The following DICER1 variants were observed in gnomAD, a reference collection of about 807,000 sequenced individuals.
DICER1 encodes the protein dicer 1, ribonuclease III.
DICER1 carries 43 observed loss-of-function variants against 194.1 expected under a neutral mutation model. The observed-to-expected ratio is 0.22, with a 90% CI of 0.17 to 0.29. The LOEUF (loss-of-function observed/expected upper bound fraction) is 0.29. Ranked by LOEUF, DICER1 falls within the 10% of genes least tolerant of loss-of-function variation. The pLI is 1.00. For synonymous variants in DICER1, 832 were observed against 820.5 expected, an observed-to-expected ratio of 1.01 and a Z score of -0.24; for missense variants, 1,608 against 2,317.0, an observed-to-expected ratio of 0.69 and a Z score of 6.28.
intron 1 of DICER1, among the ~76,000 whole-genome samples, chr14:95,139,443 A>G (rs1894685473): frequency 6.6e-6 from 1 of 152,218 alleles, no homozygotes; most frequent in East Asian, 1.9e-4. Flanking sequence ...GAGTGACATT[A>G]AAACCTCAAA....
At chr14:95,152,156 C>G (rs1308846614) in intron 1 of DICER1, among the ~76,000 whole-genome samples, 3 of 152,190 alleles carry the variant, frequency 2.0e-5, no homozygotes, top group Admixed American at 6.5e-5. Context: ...ACAAGCACAA[C>G]AGAGTTAGTC....
At chr14:95,134,088 GA>G (rs1256723432) in intron 1 of DICER1, among the ~76,000 whole-genome samples, 2 of 152,118 alleles carry the variant, frequency 1.3e-5, no homozygotes, top group East Asian at 3.8e-4. Flanking sequence ...CCTGCACCAC[GA>G]AAGATTTAGA....
At chr14:95,142,514 A>C (rs1894884460) in intron 1 of DICER1, among the ~76,000 whole-genome samples, 1 of 152,254 alleles carries the variant, frequency 6.6e-6, no homozygotes, top group Admixed American at 6.5e-5. Flanking sequence ...TAATCAAATT[A>C]CTAAGTTGAT....
rs1346144337 is a variant in DICER1 at position 95,088,308 on chromosome 14, AT to A, written c.*2189del. ...AGGCATTTTTCTCCCACTGGGAATC[AT>A]AACTGTGAAAACAATCTGATTTTGG... On this transcript the variant is annotated 3_prime_UTR_variant, in exon 27 of 27. Transcript: ENST00000343455. 1 of 232,052 alleles carries A rather than the reference AT, an allele frequency of 4.3e-6. No individual in the cohort carries two copies. Among genetic ancestry groups the A allele is most frequent in the East Asian group, 6.1e-5 (1 of 16,312 alleles). 14.4% of individuals were successfully genotyped at this position (232,052 alleles called of 1,614,324 possible).
At position 95,157,523 on chromosome 14, in the gene DICER1, T is replaced by C. The variant is rs1273635473; in HGVS notation, c.-339A>G. On this transcript the variant is annotated 5_prime_UTR_variant, in exon 1 of 27. Coordinates refer to ENST00000343455, the MANE Select transcript of DICER1 (RefSeq NM_177438.3). ...CAACGGCGCACAGCCGCTTGGAGAA[T>C]CCCACTGGCTCCCGCACCGCCCCTC... The C allele has an allele frequency of 6.6e-6, 1 of 152,358 alleles. No individual in the cohort carries two copies. Among genetic ancestry groups the C allele is most frequent in the Non-Finnish European group, 1.5e-5 (1 of 68,234 alleles). 9.4% of individuals were successfully genotyped at this position (152,358 alleles called of 1,614,324 possible).
Position 95,157,391 on chromosome 14 carries a change from C to T in DICER1, c.-207G>A, listed in dbSNP as rs905092027. On this transcript the variant is annotated 5_prime_UTR_variant, in exon 1 of 27. Coordinates refer to ENST00000343455, the MANE Select transcript of DICER1 (RefSeq NM_177438.3). ...CCCGCTGTCAGGTTACTCCATTCAC[C>T]TGGGCCTGCAGCAGCCTGCGCCGCG... 6.5e-6 allele frequency: 1 copy of T among 152,902 alleles called. No homozygotes were observed. The highest frequency in any genetic ancestry group is 1.5e-5 in the Non-Finnish European group (1 of 68,448). 9.5% of individuals were successfully genotyped at this position (152,902 alleles called of 1,614,324 possible). A position where few individuals can be genotyped will look rare whatever the true frequency, so the allele number is the denominator to read the frequency against.
chr14:95,107,657 G>C lies in DICER1; in HGVS notation c.2755C>G (p.Pro919Ala). Residue 919 changes from proline to alanine, a missense_variant, in exon 17 of 27, where the codon CCC (proline) becomes GCC (alanine). Pro to Ala is a conservative substitution (Grantham distance 27). Around this residue, in one of 10 missense-constraint regions of DICER1, gnomAD observed 150 missense variants for 216.0 expected, o/e 0.69. Coordinates refer to ENST00000343455, the MANE Select transcript of DICER1 (RefSeq NM_177438.3). Reference protein sequence around the residue: ...IPSTKYTKETPFVFKLEDYQD... With the variant: ...IPSTKYTKETAFVFKLEDYQD... ...TAATCTTCTAATTTAAAAACAAAGG[G>C]TGTTTCTTTTGTATACTTTGTACTG... 1 of 1,612,748 alleles carries C rather than the reference G, an allele frequency of 6.2e-7. No homozygotes were observed. The highest frequency in any genetic ancestry group is 8.5e-7 in the Non-Finnish European group (1 of 1,178,998).
intron 1 of DICER1, among the ~76,000 whole-genome samples, chr14:95,153,241 G>A (rs1895632548): frequency 6.6e-6 from 1 of 151,830 alleles, no homozygotes; most frequent in African/African-American, 2.4e-5. Flanking sequence ...GACTGGGTGA[G>A]AATTCCTATT....
At chr14:95,106,875 A>G (rs539927165) in intron 17 of DICER1, among the ~76,000 whole-genome samples, 122 of 152,352 alleles carry the variant, frequency 8.0e-4, no homozygotes, top group Admixed American at 2.5e-3. Context: ...ATCAAATTCT[A>G]TAAGACTCTG....
chr14:95,097,184 A>T (rs1478795002), intron 22 of DICER1, among the ~76,000 whole-genome samples: 2 of 152,238 alleles, frequency 1.3e-5, no homozygotes, highest in African/African-American at 4.8e-5. Flanking sequence ...GTAGAAAAGC[A>T]TTACCTTTGC....
intron 1 of DICER1, among the ~76,000 whole-genome samples, chr14:95,143,895 G>T (rs1164029260): frequency 6.6e-6 from 1 of 151,924 alleles, no homozygotes; most frequent in African/African-American, 2.4e-5. Flanking sequence ...CCATTTCTTA[G>T]AACTTAAATA....
At chr14:95,143,331 T>C (rs185300067) in intron 1 of DICER1, among the ~76,000 whole-genome samples, 3 of 152,306 alleles carry the variant, frequency 2.0e-5, no homozygotes, top group African/African-American at 7.2e-5. Context: ...ATAAGAGGCA[T>C]AGTTCTCCCT....
chr14:95,138,994 T>TAAAAAA (rs67050539), intron 1 of DICER1, among the ~76,000 whole-genome samples: 1 of 135,958 alleles, frequency 7.4e-6, no homozygotes, highest in African/African-American at 2.6e-5. Flanking sequence ...AATAAAAAAA[T>TAAAAAA]AAAAAAAAAA....
intron 1 of DICER1, among the ~76,000 whole-genome samples, chr14:95,135,211 C>A (rs1282721568): frequency 1.3e-5 from 2 of 151,978 alleles, no homozygotes; most frequent in East Asian, 1.9e-4. Flanking sequence ...CTACAGACTG[C>A]ATACTGTCTA....
intron 9 of DICER1, among the ~76,000 whole-genome samples, chr14:95,117,256 C>T (rs1026897632): frequency 4.0e-5 from 6 of 151,440 alleles, no homozygotes; most frequent in African/African-American, 1.5e-4. Flanking sequence ...AAAGAAAACA[C>T]TTTCTAGGAA....
chr14:95,119,000 T>G (rs1892723646), intron 8 of DICER1, among the ~76,000 whole-genome samples: 1 of 150,558 alleles, frequency 6.6e-6, no homozygotes, highest in African/African-American at 2.5e-5. Context: ...TGTTCCAAGA[T>G]GTGTTTAATT....
rs768248216 is a variant in DICER1 at position 95,126,651 on chromosome 14, G to A, written c.832C>T (p.Leu278Phe). ...ERLLMELEEA[L>F]NFINDCNISV... Reference sequence around the variant, plus strand: ...ATATTACAATCATTGATAAAATTAAGTGCTTCTTCTAATTCCATCAGCAGT... The same window carrying A: ...ATATTACAATCATTGATAAAATTAAATGCTTCTTCTAATTCCATCAGCAGT... The change falls in exon 7 of 27, where the codon CTT (leucine) becomes TTT (phenylalanine). Residue 278 changes from leucine (L) to phenylalanine (F), a missense_variant. This residue lies in a region of DICER1 where 657 missense variants were observed against 910.1 expected (regional missense o/e 0.72). Transcript: ENST00000343455. 3.8e-6 allele frequency: 6 copies of A among 1,579,166 alleles called. No homozygotes were observed. The South Asian group carries it at 6.6e-5, about 17-fold the overall frequency.
At chr14:95,147,547 G>C (rs569572130) in intron 1 of DICER1, among the ~76,000 whole-genome samples, 1 of 152,286 alleles carries the variant, frequency 6.6e-6, no homozygotes, top group South Asian at 2.1e-4. Flanking sequence ...CACACAAACT[G>C]TTTTTCCTTT....
At chr14:95,110,376 C>T (rs866504670) in intron 14 of DICER1, among the ~76,000 whole-genome samples, 2 of 152,230 alleles carry the variant, frequency 1.3e-5, no homozygotes, top group Non-Finnish European at 2.9e-5. Flanking sequence ...GCACATGCAT[C>T]CCCATGCTCA....
Sources: gnomAD v4.1 joint callset for allele counts (sites outside exome capture counted in the v4.1 genomes callset) on GRCh38, gnomAD v4.1.1 for gene constraint, gnomAD v4.1.1 regional missense constraint, MANE v1.5 for transcripts, NCBI Gene and HGNC (gene_info 2026-07-23, HGNC 2026-07-21) for gene names.